Variants in CFAP74 observed in about 807,000 individuals in gnomAD.
The protein encoded by CFAP74 is cilia- and flagella-associated protein 74.
Under a neutral mutation model 188.9 loss-of-function variants are expected in CFAP74, and 124 were observed. That is an observed-to-expected ratio of 0.66 (90% CI 0.57 to 0.76). The LOEUF is 0.76. Among genes scored for constraint, CFAP74 ranks in the 30% least tolerant of loss-of-function variants. The probability of loss-of-function intolerance (pLI) is 0.00; values close to 1 mark genes in which losing one functional copy is unlikely to be tolerated. For missense variants in CFAP74, 2,198 were observed against 2,165.2 expected (o/e 1.02, Z -0.30); for synonymous variants, 956 against 916.7 (o/e 1.04, Z -0.77).
chr1:1,951,332 C>T (rs1654189178), intron 18 of CFAP74, among the ~76,000 whole-genome samples: 1 of 152,282 alleles, frequency 6.6e-6, no homozygotes, highest in South Asian at 2.1e-4. Context: ...TGAGACAAAA[C>T]CTGGGTGGGG....
rs942501002 is a variant in CFAP74 at position 1,970,047 on chromosome 1, G to A, written c.1046+612C>T. 1.1e-4 allele frequency among the ~76,000 whole-genome samples: 16 copies of A among 152,224 alleles called. No homozygotes were observed. The East Asian group carries it at 1.3e-3, about 13-fold the overall frequency. ...AGGGGCCTTGTAGGAACCTGGCCCC[G>A]AGGTCTGGATCTCAGGAAGCCCAGT... On this transcript the variant is annotated intron_variant, in intron 10 of 38. Coordinates refer to ENST00000682832, the MANE Select transcript of CFAP74 (RefSeq NM_001304360.2).
At chr1:1,947,822 C>A (rs1653874321) in intron 18 of CFAP74, among the ~76,000 whole-genome samples, 1 of 152,190 alleles carries the variant, frequency 6.6e-6, no homozygotes, top group Non-Finnish European at 1.5e-5. Flanking sequence ...CTTTGAAGCA[C>A]CATGCACATC....
intron 23 of CFAP74, 73 bp from the exon 24 acceptor site, chr1:1,939,840 G>T: frequency 7.2e-7 from 1 of 1,380,354 alleles, no homozygotes; most frequent in Non-Finnish European, 9.9e-7. Context: ...ACTCTGAGGC[G>T]CAACCACTGC....
chr1:1,960,234 C>G, intron 14 of CFAP74: 1 of 572,738 alleles, frequency 1.7e-6, no homozygotes, highest in Non-Finnish European at 3.0e-6. Context: ...AGGGGGCGCT[C>G]CAGTGTGTGC....
chr1:1,988,956 C>T lies in CFAP74; in HGVS notation c.85G>A (p.Asp29Asn). The change falls in exon 3 of 39, where the codon GAT becomes AAT. Residue 29 changes from aspartate to asparagine, a missense_variant. Physicochemically the swap from Asp to Asn is conservative, Grantham distance 23 (BLOSUM62 1). Coordinates refer to ENST00000682832, the MANE Select transcript of CFAP74 (RefSeq NM_001304360.2). ...LLEDERDELE[D>N]PEFDIKCLLQ... ...AGACATTTGATGTCAAACTCCGGATCCTCTAATTCATCTCTTTCTAGAAAT... is the reference window on the plus strand; with the variant it reads ...AGACATTTGATGTCAAACTCCGGATTCTCTAATTCATCTCTTTCTAGAAAT... The T allele has an allele frequency of 6.4e-7, 1 of 1,570,294 alleles. No homozygotes were observed. The highest frequency in any genetic ancestry group is 8.7e-7 in the Non-Finnish European group (1 of 1,150,446).
chr1:1,945,145 A>T (rs1359639320), intron 20 of CFAP74, among the ~76,000 whole-genome samples: 1 of 152,006 alleles, frequency 6.6e-6, no homozygotes, highest in East Asian at 1.9e-4. Context: ...CGTCTCTACA[A>T]AAAATACAAA....
chr1:1,993,180 G>A (rs1657693944), intron 1 of CFAP74, among the ~76,000 whole-genome samples: 3 of 133,254 alleles, frequency 2.3e-5, no homozygotes, highest in South Asian at 2.5e-4. Flanking sequence ...TAGCCTGGGC[G>A]ACAGGGGAAG....
chr1:1,955,476 G>A lies in CFAP74; in HGVS notation c.2176+215C>T, dbSNP rs756952764. ...ATGCTGGAGGTGCCTTCAAGTCTTCGGTTAGCGTCAACGTGAATGTACATT... is the reference window on the plus strand; with the variant it reads ...ATGCTGGAGGTGCCTTCAAGTCTTCAGTTAGCGTCAACGTGAATGTACATT... On this transcript the variant is annotated intron_variant, in intron 18 of 38. Transcript: ENST00000682832. 2.0e-5 allele frequency: 31 copies of A among 1,579,504 alleles called. No individual in the cohort carries two copies. In the Admixed American group the frequency reaches 3.7e-4, roughly 19 times the overall value.
At chr1:1,932,083 AAAACAAAAAAC>A (rs1652442952) in intron 25 of CFAP74, among the ~76,000 whole-genome samples, 1 of 62,502 alleles carries the variant, frequency 1.6e-5, no homozygotes, top group Admixed American at 2.3e-4. Flanking sequence ...AAAAAAACAA[AAAACAAAAAAC>A]AAAAAACTTA....
At chr1:1,970,542 T>C (rs1655876836) in intron 10 of CFAP74, 117 bp downstream of exon 10, 1 of 1,198,250 alleles carries the variant, frequency 8.3e-7, no homozygotes. Context: ...GCCGCCTGAG[T>C]GGGCGCCCTG....
intron 27 of CFAP74, chr1:1,928,065 T>G: frequency 2.4e-6 from 1 of 412,004 alleles, no homozygotes; most frequent in Non-Finnish European, 4.6e-6. Flanking sequence ...CGAAGGCAAG[T>G]GCTTCCCCTC....
intron 1 of CFAP74, among the ~76,000 whole-genome samples, chr1:1,998,961 T>G (rs1658065424): frequency 6.6e-6 from 1 of 152,054 alleles, no homozygotes; most frequent in African/African-American, 2.4e-5. Context: ...ACAAACTCAA[T>G]GTTGTCAGGA....
rs761695669 is a variant in CFAP74, at chr1:1,942,295, C to T, written c.2487-139G>A. On this transcript the variant is annotated intron_variant, in intron 21 of 38. Coordinates refer to ENST00000682832, the MANE Select transcript of CFAP74 (RefSeq NM_001304360.2). This position sits in a 1 kb window ranked among gnomAD's most constrained non-coding sequence, Gnocchi z 4.3. ...GAGCCCACCCACTCCAAGCCATGCA[C>T]GTGCACCTCGACAATCGGAGTCCTC... 41 of 759,398 alleles carry T rather than the reference C, an allele frequency of 5.4e-5. No individual in the cohort carries two copies. The highest frequency in any genetic ancestry group is 6.5e-5 in the Non-Finnish European group (34 of 522,972). The allele number at this position is 759,398 out of a possible 1,614,324, so 47.0% of individuals were successfully genotyped here.
Position 1,923,348 on chromosome 1 carries a change from TC to T in CFAP74, c.4522+18del. The T allele has an allele frequency of 1.3e-6, 2 of 1,551,774 alleles. No individual in the cohort carries two copies. The highest frequency in any genetic ancestry group is 1.7e-6 in the Non-Finnish European group (2 of 1,146,374). ...ACCGGGAGGCCCCGTGTCTGTTCCC[TC>T]CCTGGGGAGGGGCTCACCCTCTCTG... On this transcript the variant is annotated intron_variant, in intron 36 of 38. Coordinates refer to ENST00000682832, the MANE Select transcript of CFAP74 (RefSeq NM_001304360.2). The surrounding 1 kb of genome is among the most constrained non-coding windows in gnomAD (Gnocchi z 6.3).
rs970013579 is a variant in CFAP74, at chr1:1,973,143, C to T, written c.675-96G>A. On this transcript the variant is annotated intron_variant, in intron 7 of 38. Coordinates refer to ENST00000682832, the MANE Select transcript of CFAP74 (RefSeq NM_001304360.2). This position sits in a 1 kb window ranked among gnomAD's most constrained non-coding sequence, Gnocchi z 6.2. ...GCTGGAGCTCGTGTCCCAGAGACGC[C>T]GTGGGCCCTTTCGCTCAGCTCTGTC... The T allele has an allele frequency of 2.0e-5, 17 of 864,084 alleles. No homozygotes were observed. The highest frequency in any genetic ancestry group is 9.7e-5 in the Admixed American group (4 of 41,056). The allele number at this position is 864,084 out of a possible 1,614,324, so 53.5% of individuals were successfully genotyped here.
rs543456244 is a variant in CFAP74 at position 1,944,277 on chromosome 1, G to A, written c.2486+54C>T. On this transcript the variant is annotated intron_variant, in intron 21 of 38. Coordinates refer to ENST00000682832, the MANE Select transcript of CFAP74 (RefSeq NM_001304360.2). Reference sequence around the variant, plus strand: ...CACCGCGTGTGCACAGGCAGGCAGCGGCTCACCCCGTGTGCGTGGGTCACC... The same window carrying A: ...CACCGCGTGTGCACAGGCAGGCAGCAGCTCACCCCGTGTGCGTGGGTCACC... 262 of 1,514,328 alleles carry A rather than the reference G, an allele frequency of 1.7e-4. 2 individuals carry two copies. The South Asian group carries it at 3.0e-3, about 17-fold the overall frequency. 93.8% of individuals were successfully genotyped at this position (1,514,328 alleles called of 1,614,324 possible). A position where few individuals can be genotyped will look rare whatever the true frequency, so the allele number is the denominator to read the frequency against.
chr1:1,990,913 G>A lies in CFAP74; in HGVS notation c.44C>T (p.Ala15Val). 6.2e-7 allele frequency: 1 copy of A among 1,612,740 alleles called. No individual in the cohort carries two copies. Among genetic ancestry groups the A allele is most frequent in the Non-Finnish European group, 8.5e-7 (1 of 1,179,660 alleles). ...GSLLPEDELL[A>V]DALLLEDERD... Reference sequence around the variant, plus strand: ...ACCATCTTCCAAAAGAAGGGCATCGGCCAAAAGCTCGTCCTCAGGGAGCAG... The same window carrying A: ...ACCATCTTCCAAAAGAAGGGCATCGACCAAAAGCTCGTCCTCAGGGAGCAG... Residue 15 changes from alanine (A) to valine (V), a missense_variant, in exon 2 of 39, where the codon GCC becomes GTC. By Grantham distance (64) the Ala-to-Val change is moderately conservative. Transcript: ENST00000682832.
chr1:1,925,721 C>T lies in CFAP74; in HGVS notation c.4104+62G>A, dbSNP rs939237620. ...TCACTTTTGACAGCTGGCCTGAGTCCTGCCTGGTGGAAACCCCTCCTGGGA... is the reference window on the plus strand; with the variant it reads ...TCACTTTTGACAGCTGGCCTGAGTCTTGCCTGGTGGAAACCCCTCCTGGGA... On this transcript the variant is annotated intron_variant, in intron 33 of 38. Coordinates refer to ENST00000682832, the MANE Select transcript of CFAP74 (RefSeq NM_001304360.2). 6.4e-6 allele frequency: 10 copies of T among 1,558,034 alleles called. 1 individual carries two copies. The highest frequency in any genetic ancestry group is 1.4e-5 in the African/African-American group (1 of 73,652).
At chr1:1,994,147 A>G (rs1657789478) in intron 1 of CFAP74, among the ~76,000 whole-genome samples, 1 of 149,398 alleles carries the variant, frequency 6.7e-6, no homozygotes, top group Admixed American at 6.7e-5. Flanking sequence ...CCTGGGTGAC[A>G]GAGCAAGACC....
Sources: gnomAD v4.1 joint callset for allele counts (sites outside exome capture counted in the v4.1 genomes callset) on GRCh38, gnomAD v4.1.1 for gene constraint, Gnocchi (gnomAD v3.1) non-coding constraint, MANE v1.5 for transcripts, NCBI Gene and HGNC (gene_info 2026-07-23, HGNC 2026-07-21) for gene names.